Variants in ANK3 observed in about 807,000 individuals in gnomAD.
ANK3 encodes the protein ankyrin 3, also known as ankyrin-3.
A neutral mutation model predicts 370.9 loss-of-function variants in ANK3; 57 were observed. The observed-to-expected ratio is 0.15, with a 90% CI of 0.12 to 0.19. ANK3 has a LOEUF of 0.19. ANK3 is among the 10% of genes least tolerant of loss of function. The probability of loss-of-function intolerance (pLI) is 1.00; values close to 1 mark genes in which losing one functional copy is unlikely to be tolerated. For synonymous variants in ANK3, 1,929 were observed against 1,946.3 expected (o/e 0.99, Z 0.23); for missense variants, 4,439 against 5,302.1 (o/e 0.84, Z 5.06).
intron 2 of ANK3, among the ~76,000 whole-genome samples, chr10:60,454,252 C>T (rs950284175): frequency 4.6e-5 from 7 of 152,058 alleles, no homozygotes; most frequent in African/African-American, 1.2e-4. Flanking sequence ...CTGTCTTCCT[C>T]GACATTAAAA....
rs141767085 is a variant in ANK3 at position 60,145,806 on chromosome 10, C to A, written c.2615-6719G>T. Among the ~76,000 whole-genome samples, 623 of 152,214 alleles carry A rather than the reference C, an allele frequency of 4.1e-3. 3 individuals are homozygous for A. Among genetic ancestry groups the A allele is most frequent in the African/African-American group, 0.014 (596 of 41,522 alleles). ...GAAATTCGTAATCAAAATGTAAGCT[C>A]CTTGAGGGCAAGGGGGCTTTGTCTG... On this transcript the variant is annotated intron_variant, in intron 23 of 43. Transcript: ENST00000280772.
At chr10:60,594,449 G>C (rs944963131) in intron 2 of ANK3, among the ~76,000 whole-genome samples, 1 of 151,900 alleles carries the variant, frequency 6.6e-6, no homozygotes, top group Non-Finnish European at 1.5e-5. Context: ...CGAAAAATCT[G>C]GATTATAGCA....
intron 25 of ANK3, among the ~76,000 whole-genome samples, chr10:60,115,258 C>T (rs1461190502): frequency 6.6e-6 from 1 of 152,146 alleles, no homozygotes; most frequent in Non-Finnish European, 1.5e-5. Context: ...TGAGCTTTCA[C>T]CAGGGCTGCA....
intron 2 of ANK3, among the ~76,000 whole-genome samples, chr10:60,437,283 T>C (rs1245573675): frequency 1.3e-5 from 2 of 151,976 alleles, no homozygotes; most frequent in Middle Eastern, 3.2e-3. Context: ...CCACATTTTA[T>C]GAAGGATTAA....
At chr10:60,600,277 G>A (rs974376713) in intron 2 of ANK3, among the ~76,000 whole-genome samples, 2 of 152,236 alleles carry the variant, frequency 1.3e-5, no homozygotes, top group East Asian at 1.9e-4. Context: ...ATCTACTTGT[G>A]TCTGACCTTC....
At chr10:60,183,823 A>C (rs972951969) in intron 17 of ANK3, among the ~76,000 whole-genome samples, 1 of 151,140 alleles carries the variant, frequency 6.6e-6, no homozygotes, top group Admixed American at 6.6e-5. Context: ...GCATCATTGC[A>C]CTCCAGCCTG....
intron 9 of ANK3, among the ~76,000 whole-genome samples, chr10:60,211,619 T>C (rs1293307571): frequency 6.6e-6 from 1 of 152,014 alleles, no homozygotes; most frequent in Non-Finnish European, 1.5e-5. Flanking sequence ...ATTATTATGA[T>C]TAAAGTATGC....
At chr10:60,582,454 T>C (rs1375149056) in intron 2 of ANK3, among the ~76,000 whole-genome samples, 1 of 151,948 alleles carries the variant, frequency 6.6e-6, no homozygotes, top group East Asian at 1.9e-4. Context: ...ATAATTAGAT[T>C]TGTACACATT....
intron 28 of ANK3, among the ~76,000 whole-genome samples, chr10:60,094,182 T>C (rs951448945): frequency 2.8e-5 from 1 of 35,876 alleles, no homozygotes; most frequent in African/African-American, 1.3e-4. Flanking sequence ...CAGTATTCTA[T>C]TTTTTTTTTT....
intron 2 of ANK3, among the ~76,000 whole-genome samples, chr10:60,463,716 A>ATT (rs113653310): frequency 0.075 from 11,227 of 148,904 alleles, 584 homozygotes; most frequent in South Asian, 0.17. Flanking sequence ...TTTCCAGGAG[A>ATT]TTTTTTTTTG....
At chr10:60,240,066 C>T (rs201358807) in intron 7 of ANK3, among the ~76,000 whole-genome samples, 2 of 143,132 alleles carry the variant, frequency 1.4e-5, no homozygotes, top group South Asian at 2.1e-4. Context: ...CACATATATA[C>T]ATATATATAC....
intron 2 of ANK3, among the ~76,000 whole-genome samples, chr10:60,611,470 T>C (rs1377414290): frequency 6.6e-6 from 1 of 152,140 alleles, no homozygotes; most frequent in Non-Finnish European, 1.5e-5. Context: ...CTTCTGAGTG[T>C]AGAATGAAAA....
intron 16 of ANK3, among the ~76,000 whole-genome samples, chr10:60,190,749 G>A (rs930465189): frequency 8.5e-5 from 13 of 152,198 alleles, no homozygotes; most frequent in African/African-American, 4.8e-5. Context: ...AAATTCATAC[G>A]GAACCAAAAG....
intron 2 of ANK3, among the ~76,000 whole-genome samples, chr10:60,459,083 T>C (rs1028829154): frequency 6.6e-6 from 1 of 152,128 alleles, no homozygotes; most frequent in Non-Finnish European, 1.5e-5. Flanking sequence ...TCCAAGAGCC[T>C]AAACTGAAAA....
rs765883316 is a variant in ANK3, at chr10:60,069,085, T to C, written c.11796A>G (p.Thr3932=). Residue 3932 remains threonine (T), a synonymous_variant, in exon 37 of 44, where the codon ACA becomes ACG. Transcript: ENST00000280772. ...NIIAVRKACA[T]QKQGQPEKGK... ...CTTTCTCTGGCTGCCCTTGCTTTTG[T>C]GTGGCACATGCTTTTCTAACTGCAA... The C allele has an allele frequency of 2.5e-6, 4 of 1,614,056 alleles. No homozygotes were observed. The highest frequency in any genetic ancestry group is 2.7e-5 in the African/African-American group (2 of 74,912).
At chr10:60,695,084 C>T (rs1486955703) in intron 1 of ANK3, among the ~76,000 whole-genome samples, 5 of 149,688 alleles carry the variant, frequency 3.3e-5, no homozygotes, top group Non-Finnish European at 6.0e-5. Flanking sequence ...CAAAAAAAGG[C>T]AGGGGTTGCA....
At chr10:60,696,349 C>T (rs2079449607) in intron 1 of ANK3, among the ~76,000 whole-genome samples, 1 of 149,122 alleles carries the variant, frequency 6.7e-6, no homozygotes, top group South Asian at 2.2e-4. Context: ...ACCATTCCTT[C>T]TGAAACTATT....
chr10:60,474,627 A>G (rs975631191), intron 2 of ANK3, among the ~76,000 whole-genome samples: 4 of 152,352 alleles, frequency 2.6e-5, no homozygotes, highest in African/African-American at 9.6e-5. Context: ...CCTTTCAAAT[A>G]GTAATCACAC....
At chr10:60,378,635 A>G (rs1360681327) in intron 1 of ANK3, among the ~76,000 whole-genome samples, 2 of 152,146 alleles carry the variant, frequency 1.3e-5, no homozygotes, top group African/African-American at 2.4e-5. Context: ...GGAAAATTGT[A>G]CATCCATATG....
Sources: gnomAD v4.1 joint callset for allele counts (sites outside exome capture counted in the v4.1 genomes callset) on GRCh38, gnomAD v4.1.1 for gene constraint, MANE v1.5 for transcripts, NCBI Gene and HGNC (gene_info 2026-07-23, HGNC 2026-07-21) for gene names.